The following MEGF10 variants were observed in gnomAD, a reference collection of about 807,000 sequenced individuals.
MEGF10 encodes the protein multiple EGF like domains 10.
A neutral mutation model predicts 147.5 loss-of-function variants in MEGF10; 86 were observed. The ratio of observed to expected loss-of-function variants is 0.58; its 90% confidence interval spans 0.49 to 0.70. The LOEUF is 0.70. Ranked by LOEUF, MEGF10 falls within the 30% of genes least tolerant of loss-of-function variation. The pLI, the probability that MEGF10 is intolerant of heterozygous loss-of-function variation, is 0.00. For synonymous variants in MEGF10, 478 were observed against 525.5 expected (o/e 0.91, Z 1.24); for missense variants, 1,329 against 1,487.3 (o/e 0.89, Z 1.75).
At chr5:127,344,174 G>A (rs1580739341) in intron 4 of MEGF10, among the ~76,000 whole-genome samples, 1 of 152,136 alleles carries the variant, frequency 6.6e-6, no homozygotes, top group Non-Finnish European at 1.5e-5. Flanking sequence ...AAACCAGTGA[G>A]CTAGACCCTA....
Position 127,447,546 on chromosome 5 carries a change from CCTT to C in MEGF10, c.2729-7_2729-5del, listed in dbSNP as rs1765991105. 1 of 1,613,908 alleles carries C rather than the reference CCTT, an allele frequency of 6.2e-7. No homozygotes were observed. The highest frequency in any genetic ancestry group is 8.5e-7 in the Non-Finnish European group (1 of 1,179,908). Reference sequence around the variant, plus strand: ...GCCTGCTGCCTTAACCATTTCCTTCCCTTCTTGCAGGAACCCTTCCTCACAGCA... The same window carrying C: ...GCCTGCTGCCTTAACCATTTCCTTCCCTTGCAGGAACCCTTCCTCACAGCA... On this transcript the variant is annotated splice_region_variant and splice_polypyrimidine_tract_variant and intron_variant, in intron 20 of 24. Coordinates refer to ENST00000503335, the MANE Select transcript of MEGF10 (RefSeq NM_001256545.2).
intron 1 of MEGF10, among the ~76,000 whole-genome samples, chr5:127,295,227 A>G (rs1759442027): frequency 6.6e-6 from 1 of 152,238 alleles, no homozygotes. Context: ...TAGAAAGCCA[A>G]ATATATTATG....
intron 4 of MEGF10, among the ~76,000 whole-genome samples, chr5:127,368,225 G>T (rs942513211): frequency 2.6e-5 from 4 of 152,114 alleles, no homozygotes; most frequent in African/African-American, 9.7e-5. Flanking sequence ...GCTTTTAATT[G>T]CAATGAAATA....
intron 19 of MEGF10, 181 bp from the exon 20 acceptor site, chr5:127,445,276 A>C: frequency 1.7e-6 from 1 of 604,002 alleles, no homozygotes; most frequent in Non-Finnish European, 2.9e-6. Flanking sequence ...CTGGGCATGG[A>C]TAGGCCGACA....
chr5:127,340,402 T>C (rs1761634292), intron 3 of MEGF10, 128 bp from the exon 4 acceptor site: 2 of 602,210 alleles, frequency 3.3e-6, no homozygotes, highest in African/African-American at 3.7e-5. Flanking sequence ...TAATATCTTC[T>C]TAGCAAATTG....
intron 5 of MEGF10, among the ~76,000 whole-genome samples, chr5:127,379,111 C>T (rs1489257097): frequency 1.4e-5 from 2 of 143,782 alleles, no homozygotes; most frequent in Non-Finnish European, 3.0e-5. Context: ...CATTTTTCAG[C>T]AAATCTTGTT....
chr5:127,417,340 T>C lies in MEGF10; in HGVS notation c.1131-298T>C, dbSNP rs1764815239. ...TAGCTCCTCTCATAGAGTTGACCTCTTACAAAATTAGTGCATTCAATTTAA... is the reference window on the plus strand; with the variant it reads ...TAGCTCCTCTCATAGAGTTGACCTCCTACAAAATTAGTGCATTCAATTTAA... On this transcript the variant is annotated intron_variant, in intron 9 of 24. Transcript: ENST00000503335. Among the ~76,000 whole-genome samples, 3 of 152,340 alleles carry C rather than the reference T, an allele frequency of 2.0e-5. No homozygotes were observed. The South Asian group carries it at 6.2e-4, about 32-fold the overall frequency.
intron 11 of MEGF10, 78 bp downstream of exon 11, chr5:127,419,318 C>T: frequency 6.6e-7 from 1 of 1,521,896 alleles, no homozygotes; most frequent in Non-Finnish European, 8.8e-7. Flanking sequence ...AAAACCTTAA[C>T]CAGGGTTCTA....
intron 5 of MEGF10, among the ~76,000 whole-genome samples, chr5:127,381,089 T>G (rs1763242773): frequency 6.6e-6 from 1 of 152,214 alleles, no homozygotes; most frequent in African/African-American, 2.4e-5. Context: ...GGAGAATATT[T>G]AACAATTTTG....
Position 127,459,647 on chromosome 5 carries a change from T to C in MEGF10, c.*2329T>C, listed in dbSNP as rs1231565813. 6.6e-6 allele frequency: 1 copy of C among 152,086 alleles called. No individual in the cohort carries two copies. Among genetic ancestry groups the C allele is most frequent in the Non-Finnish European group, 1.5e-5 (1 of 68,008 alleles). The allele number at this position is 152,086 out of a possible 1,614,324, so 9.4% of individuals were successfully genotyped here. On this transcript the variant is annotated 3_prime_UTR_variant, in exon 25 of 25. Transcript: ENST00000503335. ...GGCAACAGCAACTTAAAAAAGAAAA[T>C]CTGGACAATAGATGTGGACTCCAAG...
At chr5:127,297,390 T>C (rs1166614739) in intron 1 of MEGF10, among the ~76,000 whole-genome samples, 2 of 152,112 alleles carry the variant, frequency 1.3e-5, no homozygotes, top group Non-Finnish European at 2.9e-5. Context: ...CCATATAAAA[T>C]ATCTCATGTA....
At chr5:127,300,288 G>C (rs1000944898) in intron 1 of MEGF10, among the ~76,000 whole-genome samples, 1 of 152,180 alleles carries the variant, frequency 6.6e-6, no homozygotes, top group Non-Finnish European at 1.5e-5. Flanking sequence ...AGAGAGGCTT[G>C]CCCTCAATGC....
chr5:127,449,005 A>T, intron 21 of MEGF10, 94 bp from the exon 22 acceptor site: 2 of 1,522,454 alleles, frequency 1.3e-6, no homozygotes, highest in African/African-American at 1.4e-5. Flanking sequence ...ACTGGTCCTC[A>T]ATATGTGCCC....
intron 20 of MEGF10, among the ~76,000 whole-genome samples, chr5:127,446,778 G>T (rs1048791990): frequency 1.3e-5 from 2 of 152,176 alleles, no homozygotes; most frequent in Non-Finnish European, 2.9e-5. Flanking sequence ...GCTGAGTTCT[G>T]GTTGGTTGAC....
chr5:127,402,545 G>A lies in MEGF10; in HGVS notation c.781-1G>A. 1 of 1,612,760 alleles carries A rather than the reference G, an allele frequency of 6.2e-7. No individual in the cohort carries two copies. The highest frequency in any genetic ancestry group is 8.5e-7 in the Non-Finnish European group (1 of 1,179,416). On this transcript the variant is annotated splice_acceptor_variant, in intron 7 of 24. Transcript: ENST00000503335. LOFTEE classifies it high-confidence loss of function. ...AATTTTCCAAGTCTCTTTGAATGCA[G>A]GGCACAGTGTGTGGTCAGCCTTGCC...
rs1174955274 is a variant in MEGF10 at position 127,303,335 on chromosome 5, C to CAAAAAA, written c.-19+12294_-19+12299dup. Among the ~76,000 whole-genome samples the CAAAAAA allele has an allele frequency of 2.2e-4, 11 of 50,622 alleles. 4 individuals are homozygous for CAAAAAA. The highest frequency in any genetic ancestry group is 2.2e-4 in the Admixed American group (1 of 4,448). The allele number at this position is 50,622 out of a possible 152,430, so 33.2% of individuals were successfully genotyped here. On this transcript the variant is annotated intron_variant, in intron 1 of 24. Transcript: ENST00000503335. ...TGGACAACAGATCGAGACTCCATGT[C>CAAAAAA]AAAAAAAAAAAAAAAAAAAAGCAAT...
At position 127,427,575 on chromosome 5, in the gene MEGF10, T is replaced by C. The variant is rs765620753; in HGVS notation, c.1693+4803T>C. Among the ~76,000 whole-genome samples the C allele has an allele frequency of 3.3e-5, 5 of 151,994 alleles. No individual in the cohort carries two copies. The East Asian group carries it at 7.8e-4, about 24-fold the overall frequency. ...TGATGTGAAGAGCCCACTTCTCCGC[T>C]CTTCCCAGCAAGCAGAACTAGGCCT... On this transcript the variant is annotated intron_variant, in intron 13 of 24. Transcript: ENST00000503335.
intron 2 of MEGF10, among the ~76,000 whole-genome samples, chr5:127,336,028 A>T (rs1761457058): frequency 7.5e-6 from 1 of 134,004 alleles, no homozygotes; most frequent in Admixed American, 7.5e-5. Context: ...TTTCTGACCG[A>T]TGATAATTAG....
intron 1 of MEGF10, among the ~76,000 whole-genome samples, chr5:127,311,037 A>G (rs892209440): frequency 2.6e-5 from 4 of 152,218 alleles, no homozygotes; most frequent in African/African-American, 9.6e-5. Context: ...AACTTCTCCA[A>G]GTATATAGAC....
Sources: gnomAD v4.1 joint callset for allele counts (sites outside exome capture counted in the v4.1 genomes callset) on GRCh38, gnomAD v4.1.1 for gene constraint, MANE v1.5 for transcripts, NCBI Gene and HGNC (gene_info 2026-07-23, HGNC 2026-07-21) for gene names.